The following CFAP44 variants were observed in gnomAD, a reference collection of about 807,000 sequenced individuals.
The protein encoded by CFAP44 is cilia- and flagella-associated protein 44.
In CFAP44, 134 loss-of-function variants were observed where a neutral mutation model predicts 216.2. The ratio of observed to expected loss-of-function variants is 0.62; its 90% CI spans 0.54 to 0.72. The LOEUF is 0.72. Ranked by LOEUF, CFAP44 falls within the 30% of genes least tolerant of loss-of-function variation. CFAP44 has a pLI of 0.00. For missense variants in CFAP44, 2,035 were observed against 2,182.1 expected, an observed-to-expected ratio of 0.93 and a Z score of 1.34; for synonymous variants, 700 against 727.6, an observed-to-expected ratio of 0.96 and a Z score of 0.61.
chr3:113,333,909 C>A (rs1203991087), intron 24 of CFAP44, among the ~76,000 whole-genome samples: 1 of 151,726 alleles, frequency 6.6e-6, no homozygotes, highest in Non-Finnish European at 1.5e-5. Flanking sequence ...ATAAATTAAG[C>A]CTTGGAAATT....
intron 27 of CFAP44, 95 bp from the exon 28 acceptor site, chr3:113,326,735 A>G (rs868536674): frequency 1.4e-6 from 1 of 693,542 alleles, no homozygotes; most frequent in East Asian, 3.3e-5. Flanking sequence ...CAGTTTACAA[A>G]TATATTTTTT....
intron 8 of CFAP44, among the ~76,000 whole-genome samples, chr3:113,404,868 G>A (rs952511810): frequency 6.6e-6 from 1 of 152,136 alleles, no homozygotes. Flanking sequence ...AAGCAAGGTG[G>A]CTCAAAACCT....
At chr3:113,419,977 G>C in intron 5 of CFAP44, 40 bp downstream of exon 5, 1 of 1,596,984 alleles carries the variant, frequency 6.3e-7, no homozygotes, top group Non-Finnish European at 8.5e-7. Flanking sequence ...CAAAAAGATA[G>C]GGTTTTTTGG....
chr3:113,399,581 G>GAATTA, intron 13 of CFAP44, among the ~76,000 whole-genome samples: 1 of 152,088 alleles, frequency 6.6e-6, no homozygotes, highest in East Asian at 1.9e-4. Context: ...CACATTGTCG[G>GAATTA]CACTCTGTAA....
At chr3:113,387,029 T>C (rs1933669097) in intron 15 of CFAP44, among the ~76,000 whole-genome samples, 1 of 152,184 alleles carries the variant, frequency 6.6e-6, no homozygotes, top group African/African-American at 2.4e-5. Context: ...AGCCCAGTAG[T>C]CAGAACCTGA....
chr3:113,349,476 G>C (rs986770770), intron 22 of CFAP44, among the ~76,000 whole-genome samples: 1 of 152,170 alleles, frequency 6.6e-6, no homozygotes, highest in African/African-American at 2.4e-5. Context: ...GACAAACCTC[G>C]GTGGTTAGAG....
chr3:113,316,407 C>T (rs1463668744), intron 28 of CFAP44, among the ~76,000 whole-genome samples: 1 of 151,904 alleles, frequency 6.6e-6, no homozygotes, highest in Non-Finnish European at 1.5e-5. Context: ...AAACCAAAAG[C>T]AAGCAGGAAA....
At chr3:113,350,234 G>A (rs1444619688) in intron 22 of CFAP44, among the ~76,000 whole-genome samples, 7 of 151,688 alleles carry the variant, frequency 4.6e-5, no homozygotes, top group Non-Finnish European at 7.4e-5. Flanking sequence ...GAGAAAGACA[G>A]GAAGTCAAAA....
intron 16 of CFAP44, among the ~76,000 whole-genome samples, chr3:113,380,429 C>T (rs1933475636): frequency 1.3e-5 from 2 of 152,140 alleles, no homozygotes; most frequent in African/African-American, 2.4e-5. Flanking sequence ...TCTCAAAATT[C>T]CCCCTATTTT....
At chr3:113,364,688 T>A (rs13086266) in intron 19 of CFAP44, among the ~76,000 whole-genome samples, 15,311 of 152,178 alleles carry the variant, frequency 0.1, 977 homozygotes, top group Non-Finnish European at 0.15. Context: ...TCCAAAAATA[T>A]GCCAATCAGT....
chr3:113,405,026 A>C (rs967173443), intron 8 of CFAP44, among the ~76,000 whole-genome samples: 2 of 152,200 alleles, frequency 1.3e-5, no homozygotes, highest in Non-Finnish European at 2.9e-5. Context: ...AAGGAATTTG[A>C]CTTAAAAAGT....
intron 15 of CFAP44, among the ~76,000 whole-genome samples, chr3:113,383,275 G>A (rs1426567127): frequency 6.6e-6 from 1 of 152,200 alleles, no homozygotes; most frequent in East Asian, 1.9e-4. Context: ...TAGGAGCTGG[G>A]AAGTCCAAGA....
intron 4 of CFAP44, chr3:113,425,901 G>T: frequency 2.2e-6 from 1 of 464,374 alleles, no homozygotes; most frequent in Non-Finnish European, 3.8e-6. Context: ...TTTGCCTTGT[G>T]AGCCAGATGG....
intron 22 of CFAP44, among the ~76,000 whole-genome samples, chr3:113,344,955 AGT>A (rs1025219530): frequency 1.3e-5 from 2 of 151,520 alleles, no homozygotes; most frequent in African/African-American, 4.8e-5. Flanking sequence ...CTATAATACC[AGT>A]GTTTTCATAA....
intron 1 of CFAP44, 91 bp downstream of exon 1, chr3:113,441,362 G>A: frequency 1.0e-6 from 1 of 982,904 alleles, no homozygotes; most frequent in Non-Finnish European, 1.2e-6. Flanking sequence ...GGTCCAGCCT[G>A]AGAGAAGCCC....
At chr3:113,379,640 A>T in intron 16 of CFAP44, 89 bp from the exon 17 acceptor site, 1 of 1,009,360 alleles carries the variant, frequency 9.9e-7, no homozygotes, top group Non-Finnish European at 1.4e-6. Flanking sequence ...AAATAGAAAG[A>T]AGATACACAG....
intron 4 of CFAP44, 83 bp from the exon 5 acceptor site, chr3:113,420,262 C>A: frequency 7.3e-7 from 1 of 1,362,352 alleles, no homozygotes; most frequent in Non-Finnish European, 9.7e-7. Flanking sequence ...ATTTTTAAAT[C>A]TATACTCTTA....
At chr3:113,358,064 G>A (rs1950507509) in intron 22 of CFAP44, among the ~76,000 whole-genome samples, 1 of 151,940 alleles carries the variant, frequency 6.6e-6, no homozygotes, top group Admixed American at 6.6e-5. Flanking sequence ...CATCATATGA[G>A]TTTTAAAAAA....
chr3:113,422,153 A>C (rs1354992913), intron 4 of CFAP44, among the ~76,000 whole-genome samples: 2 of 152,188 alleles, frequency 1.3e-5, no homozygotes, highest in Non-Finnish European at 2.9e-5. Context: ...CTGACAAAAG[A>C]AGCATATCCT....
Sources: allele counts gnomAD v4.1 joint callset (sites outside exome capture counted in the v4.1 genomes callset), GRCh38; gene constraint gnomAD v4.1.1; transcripts MANE v1.5; gene names NCBI Gene and HGNC (gene_info 2026-07-23, HGNC 2026-07-21).